Variants in SCFD2 observed in about 807,000 individuals in gnomAD.
The protein encoded by SCFD2 is sec1 family domain containing 2, also known as sec1 family domain-containing protein 2.
Under a neutral mutation model 58.9 loss-of-function variants are expected in SCFD2, and 54 were observed. The ratio of observed to expected loss-of-function variants is 0.92; its 90% CI spans 0.74 to 1.15. The LOEUF (loss-of-function observed/expected upper bound fraction) is 1.15. Ranked by LOEUF, SCFD2 falls within the 50% of genes most tolerant of loss-of-function variation. The probability of loss-of-function intolerance (pLI) is 0.00; values close to 1 mark genes in which losing one functional copy is unlikely to be tolerated. For synonymous variants in SCFD2, 321 were observed against 335.9 expected (o/e 0.96, Z 0.49); for missense variants, 805 against 836.6 (o/e 0.96, Z 0.47).
chr4:52,984,824 T>C (rs1279871486), intron 5 of SCFD2, among the ~76,000 whole-genome samples: 1 of 152,188 alleles, frequency 6.6e-6, no homozygotes, highest in African/African-American at 2.4e-5. Context: ...GTCTTCAACT[T>C]TCCAAAACAA....
chr4:53,300,125 A>C (rs141780371), intron 3 of SCFD2, among the ~76,000 whole-genome samples: 17,365 of 152,256 alleles, frequency 0.11, 1,115 homozygotes, highest in East Asian at 0.22. Flanking sequence ...AAATGGGCTA[A>C]ATGCTCCAAT....
At chr4:53,058,609 A>T (rs10026738) in intron 5 of SCFD2, among the ~76,000 whole-genome samples, 50,242 of 151,966 alleles carry the variant, frequency 0.33, 8,427 homozygotes, top group Middle Eastern at 0.51. Flanking sequence ...GACTGATAGG[A>T]AATTCCAATT....
chr4:53,049,796 A>G (rs1470663856), intron 5 of SCFD2, among the ~76,000 whole-genome samples: 1 of 152,150 alleles, frequency 6.6e-6, no homozygotes, highest in Non-Finnish European at 1.5e-5. Flanking sequence ...TATGTCAGAA[A>G]ATTAGATAAA....
intron 2 of SCFD2, among the ~76,000 whole-genome samples, chr4:53,326,442 C>T (rs192752648): frequency 1.5e-3 from 228 of 152,158 alleles, no homozygotes; most frequent in Non-Finnish European, 2.8e-3. Flanking sequence ...TGTGCCCAGC[C>T]CATGATTAAA....
At chr4:53,150,438 G>A (rs1018773292) in intron 4 of SCFD2, among the ~76,000 whole-genome samples, 3 of 152,134 alleles carry the variant, frequency 2.0e-5, no homozygotes, top group Non-Finnish European at 2.9e-5. Flanking sequence ...CCCTCCTAGT[G>A]CTATCCATAA....
intron 4 of SCFD2, among the ~76,000 whole-genome samples, chr4:53,237,452 G>C (rs1399243587): frequency 4.1e-5 from 6 of 145,572 alleles, no homozygotes; most frequent in Non-Finnish European, 9.0e-5. Context: ...CGGATGGGGG[G>C]TCTGGCCGGG....
At position 52,907,079 on chromosome 4, in the gene SCFD2, C is replaced by A. The variant is rs555035755; in HGVS notation, c.1842+378G>T. ...CTGAGCAGAGCCGCTCATCATCCTA[C>A]ATAATCAGTTCTAGAATTAAGAGCA... On this transcript the variant is annotated intron_variant, in intron 7 of 8. Coordinates refer to ENST00000401642, the MANE Select transcript of SCFD2 (RefSeq NM_152540.4). Among the ~76,000 whole-genome samples, 12 of 152,284 alleles carry A rather than the reference C, an allele frequency of 7.9e-5. No homozygotes were observed. In the South Asian group the frequency reaches 2.5e-3, roughly 32 times the overall value.
intron 5 of SCFD2, among the ~76,000 whole-genome samples, chr4:52,927,111 A>T (rs301130): frequency 0.3 from 45,272 of 151,970 alleles, 8,227 homozygotes; most frequent in East Asian, 0.53. Context: ...TTTCCAAATA[A>T]GCTTGGACTG....
intron 4 of SCFD2, among the ~76,000 whole-genome samples, chr4:53,193,517 T>G (rs1727974027): frequency 6.6e-6 from 1 of 152,152 alleles, no homozygotes; most frequent in Non-Finnish European, 1.5e-5. Flanking sequence ...GGTCCACAGG[T>G]CATTGGTCAG....
chr4:53,143,571 A>G (rs1726229499), intron 5 of SCFD2, among the ~76,000 whole-genome samples: 1 of 152,210 alleles, frequency 6.6e-6, no homozygotes. Flanking sequence ...CCATCTTGAC[A>G]GGGTTTCATT....
intron 7 of SCFD2, among the ~76,000 whole-genome samples, chr4:52,892,058 T>G (rs889882423): frequency 6.6e-6 from 1 of 152,196 alleles, no homozygotes; most frequent in Non-Finnish European, 1.5e-5. Flanking sequence ...TGGCCCAAGC[T>G]CTGCTGAGCT....
chr4:52,892,579 C>T (rs1271251387), intron 7 of SCFD2, among the ~76,000 whole-genome samples: 1 of 152,164 alleles, frequency 6.6e-6, no homozygotes, highest in Non-Finnish European at 1.5e-5. Flanking sequence ...TATATGATGG[C>T]ATTTCATTAC....
chr4:53,176,794 C>A (rs1176757588), intron 4 of SCFD2, among the ~76,000 whole-genome samples: 1 of 151,992 alleles, frequency 6.6e-6, no homozygotes, highest in African/African-American at 2.4e-5. Flanking sequence ...ACTAAAAATA[C>A]AAAAACCAGC....
intron 5 of SCFD2, among the ~76,000 whole-genome samples, chr4:53,012,836 G>GTGTGTGTGTTT (rs1553914338): frequency 6.9e-6 from 1 of 145,084 alleles, no homozygotes; most frequent in Non-Finnish European, 1.5e-5. Flanking sequence ...GTGTGTGTGT[G>GTGTGTGTGTTT]TTTTTTTTTA....
At chr4:53,338,575 C>CTATTTTTTTTTT (rs1733752203) in intron 2 of SCFD2, among the ~76,000 whole-genome samples, 1 of 72,296 alleles carries the variant, frequency 1.4e-5, no homozygotes, top group Non-Finnish European at 2.5e-5. Context: ...GTATATTTTT[C>CTATTTTTTTTTT]TTTTTTTTTT....
At chr4:53,333,779 A>G (rs1294313186) in intron 2 of SCFD2, among the ~76,000 whole-genome samples, 2 of 133,224 alleles carry the variant, frequency 1.5e-5, no homozygotes, top group Non-Finnish European at 3.2e-5. Context: ...GAGCTTCTGC[A>G]CAGCAAAAGA....
intron 5 of SCFD2, among the ~76,000 whole-genome samples, chr4:52,984,145 C>CA (rs1262746353): frequency 1.3e-5 from 2 of 152,192 alleles, no homozygotes; most frequent in Non-Finnish European, 2.9e-5. Flanking sequence ...GCCAGGTTCC[C>CA]AAACAGGAAG....
intron 2 of SCFD2, among the ~76,000 whole-genome samples, chr4:53,352,113 C>A (rs1734238360): frequency 6.6e-6 from 1 of 152,138 alleles, no homozygotes; most frequent in South Asian, 2.1e-4. Context: ...ACATAATCTT[C>A]TCTCTTTGAT....
intron 4 of SCFD2, among the ~76,000 whole-genome samples, chr4:53,255,197 T>TTTATTTATTTATTTA (rs1553892849): frequency 2.1e-5 from 3 of 140,620 alleles, no homozygotes; most frequent in Non-Finnish European, 1.5e-5. Context: ...TTTTTTTCTT[T>TTTATTTATTTATTTA]TTTATTTATT....
Sources: allele counts gnomAD v4.1 joint callset (sites outside exome capture counted in the v4.1 genomes callset), GRCh38; gene constraint gnomAD v4.1.1; transcripts MANE v1.5; gene names NCBI Gene and HGNC (gene_info 2026-07-23, HGNC 2026-07-21).